CADPS2: variants seen among roughly 807,000 people sequenced by gnomAD.
CADPS2 encodes the protein calcium dependent secretion activator 2.
Under a neutral mutation model 172.5 loss-of-function variants are expected in CADPS2, and 93 were observed. The ratio of observed to expected loss-of-function variants is 0.54; its 90% confidence interval spans 0.46 to 0.64. The LOEUF is 0.64. Among genes scored for constraint, CADPS2 ranks in the 30% least tolerant of loss-of-function variants. The pLI, the probability that CADPS2 is intolerant of heterozygous loss-of-function variation, is 0.00. For missense variants in CADPS2, 1,420 were observed against 1,565.9 expected, an observed-to-expected ratio of 0.91 and a Z score of 1.57; for synonymous variants, 546 against 555.2, an observed-to-expected ratio of 0.98 and a Z score of 0.23.
intron 2 of CADPS2, chr7:122,698,915 GCATC>G (rs1251705110): frequency 6.4e-7 from 1 of 1,571,456 alleles, no homozygotes; most frequent in Non-Finnish European, 8.6e-7. Context: ...TTGAGTAGAT[GCATC>G]TCTCTCTTCT....
intron 14 of CADPS2, among the ~76,000 whole-genome samples, chr7:122,469,337 T>C (rs2055589816): frequency 6.6e-6 from 1 of 152,210 alleles, no homozygotes; most frequent in Non-Finnish European, 1.5e-5. Flanking sequence ...TTTGGGTTTG[T>C]TTGTTTCACT....
chr7:122,348,360 C>T (rs1380097321), intron 27 of CADPS2, among the ~76,000 whole-genome samples: 1 of 152,136 alleles, frequency 6.6e-6, no homozygotes, highest in Non-Finnish European at 1.5e-5. Flanking sequence ...TAACACTTTA[C>T]AGTTTAAGCC....
At chr7:122,669,641 C>A (rs977799847) in intron 2 of CADPS2, among the ~76,000 whole-genome samples, 1 of 151,734 alleles carries the variant, frequency 6.6e-6, no homozygotes, top group South Asian at 2.1e-4. Context: ...TAGAGGACAA[C>A]GAAAGGCCCA....
At chr7:122,731,388 T>C (rs2091626410) in intron 2 of CADPS2, among the ~76,000 whole-genome samples, 1 of 151,796 alleles carries the variant, frequency 6.6e-6, no homozygotes, top group Admixed American at 6.6e-5. Context: ...CTTTTCCACA[T>C]GTCCACTGTA....
intron 20 of CADPS2, among the ~76,000 whole-genome samples, chr7:122,403,706 T>C (rs1302883183): frequency 6.6e-6 from 1 of 152,104 alleles, no homozygotes; most frequent in Non-Finnish European, 1.5e-5. Flanking sequence ...TAAAAATAAA[T>C]ATGAAAAAAT....
At chr7:122,827,685 T>C (rs976783987) in intron 1 of CADPS2, among the ~76,000 whole-genome samples, 2 of 151,378 alleles carry the variant, frequency 1.3e-5, no homozygotes, top group Non-Finnish European at 2.9e-5. Flanking sequence ...TTCTAAACAA[T>C]TTTTCCAGGA....
At chr7:122,346,212 A>C (rs1271140368) in intron 27 of CADPS2, among the ~76,000 whole-genome samples, 1 of 151,634 alleles carries the variant, frequency 6.6e-6, no homozygotes, top group Non-Finnish European at 1.5e-5. Flanking sequence ...ACAAAAAATA[A>C]AAAAAAATAG....
intron 1 of CADPS2, among the ~76,000 whole-genome samples, chr7:122,789,510 A>T (rs1794803025): frequency 6.6e-6 from 1 of 152,188 alleles, no homozygotes; most frequent in South Asian, 2.1e-4. Context: ...ATTCACTATA[A>T]GCATTACACT....
chr7:122,849,794 C>A, intron 1 of CADPS2: 1 of 513,618 alleles, frequency 1.9e-6, no homozygotes, highest in South Asian at 1.5e-5. Context: ...CCAGCCCTCT[C>A]CCTTTACATC....
chr7:122,354,888 G>C (rs1424185583), intron 27 of CADPS2, among the ~76,000 whole-genome samples: 2 of 152,140 alleles, frequency 1.3e-5, no homozygotes, highest in African/African-American at 4.8e-5. Context: ...CTAGCCAAGA[G>C]CAATCTATCA....
chr7:122,418,834 C>T (rs965475379), intron 17 of CADPS2, among the ~76,000 whole-genome samples: 8 of 152,174 alleles, frequency 5.3e-5, no homozygotes, highest in African/African-American at 1.9e-4. Context: ...GCACTAACTA[C>T]ATTGCCACAT....
intron 27 of CADPS2, among the ~76,000 whole-genome samples, chr7:122,350,236 G>A (rs191020725): frequency 5.5e-4 from 84 of 152,200 alleles, no homozygotes; most frequent in Admixed American, 2.8e-3. Context: ...ACATGTCTTC[G>A]AAATTTGAAA....
chr7:122,767,834 G>A (rs2093599687), intron 1 of CADPS2, among the ~76,000 whole-genome samples: 1 of 152,146 alleles, frequency 6.6e-6, no homozygotes, highest in South Asian at 2.1e-4. Flanking sequence ...GTGTTTTATA[G>A]TAGAACGTAG....
At chr7:122,749,339 G>A (rs1477967622) in intron 1 of CADPS2, among the ~76,000 whole-genome samples, 1 of 152,068 alleles carries the variant, frequency 6.6e-6, no homozygotes, top group African/African-American at 2.4e-5. Context: ...TTAAAACCAA[G>A]GATTTGTGAG....
chr7:122,553,108 A>C (rs2064533646), intron 8 of CADPS2, among the ~76,000 whole-genome samples: 1 of 152,126 alleles, frequency 6.6e-6, no homozygotes, highest in Non-Finnish European at 1.5e-5. Context: ...GTCCTGTGAG[A>C]CTTTCATTCA....
chr7:122,463,932 A>T (rs11973937), intron 14 of CADPS2, among the ~76,000 whole-genome samples: 3,912 of 152,250 alleles, frequency 0.026, 156 homozygotes, highest in African/African-American at 0.09. Flanking sequence ...CCAGTTGGAG[A>T]CGTCAGTATG....
intron 1 of CADPS2, among the ~76,000 whole-genome samples, chr7:122,778,798 G>A (rs1193465136): frequency 6.6e-6 from 1 of 152,210 alleles, no homozygotes; most frequent in Non-Finnish European, 1.5e-5. Context: ...AAGACTCTGG[G>A]GACTGTTGGG....
At chr7:122,474,587 AG>A in intron 12 of CADPS2, 70 bp from the exon 13 acceptor site, 1 of 1,458,880 alleles carries the variant, frequency 6.9e-7, no homozygotes, top group Non-Finnish European at 9.3e-7. Context: ...CAAGTTGTGA[AG>A]AATACAAAAT....
At chr7:122,515,040 G>GA (rs1189652868) in intron 8 of CADPS2, among the ~76,000 whole-genome samples, 1 of 151,886 alleles carries the variant, frequency 6.6e-6, no homozygotes, top group Admixed American at 6.6e-5. Flanking sequence ...CCAGGGGGGA[G>GA]AAAAAAACAT....
Sources: gnomAD v4.1 joint callset for allele counts (sites outside exome capture counted in the v4.1 genomes callset) on GRCh38, gnomAD v4.1.1 for gene constraint, MANE v1.5 for transcripts, NCBI Gene and HGNC (gene_info 2026-07-23, HGNC 2026-07-21) for gene names.